RBMS3: variants seen among roughly 807,000 people sequenced by gnomAD.
The protein encoded by RBMS3 is RNA binding motif single stranded interacting protein 3, also known as RNA-binding motif, single-stranded-interacting protein 3.
RBMS3 carries 27 observed loss-of-function variants against 66.8 expected under a neutral mutation model. The observed-to-expected ratio is 0.40, with a 90% CI of 0.30 to 0.56. The LOEUF is 0.56. Among genes scored for constraint, RBMS3 ranks in the 20% least tolerant of loss-of-function variants. RBMS3 has a pLI of 0.40. For synonymous variants in RBMS3, 188 were observed against 183.0 expected (o/e 1.03, Z -0.22); for missense variants, 513 against 549.5 (o/e 0.93, Z 0.66).
At chr3:29,486,845 T>G (rs1407430791) in intron 2 of RBMS3, among the ~76,000 whole-genome samples, 1 of 152,170 alleles carries the variant, frequency 6.6e-6, no homozygotes, top group African/African-American at 2.4e-5. Flanking sequence ...AGGAACACCT[T>G]TATAAACCAA....
At chr3:29,522,545 C>A (rs1473272702) in intron 3 of RBMS3, among the ~76,000 whole-genome samples, 1 of 152,078 alleles carries the variant, frequency 6.6e-6, no homozygotes, top group East Asian at 1.9e-4. Flanking sequence ...CAGGAAGCTG[C>A]TACCAATCCT....
At chr3:29,530,161 C>T (rs1239986026) in intron 3 of RBMS3, among the ~76,000 whole-genome samples, 2 of 152,158 alleles carry the variant, frequency 1.3e-5, no homozygotes, top group African/African-American at 2.4e-5. Context: ...TATGTATAGC[C>T]GGATCCAGAG....
At chr3:29,992,031 T>C (rs1698910483) in intron 14 of RBMS3, among the ~76,000 whole-genome samples, 1 of 152,178 alleles carries the variant, frequency 6.6e-6, no homozygotes, top group Non-Finnish European at 1.5e-5. Context: ...GGGCTGTTTA[T>C]TGAAACCAAA....
chr3:29,860,963 A>C (rs1363693742), intron 6 of RBMS3, among the ~76,000 whole-genome samples: 1 of 152,122 alleles, frequency 6.6e-6, no homozygotes, highest in East Asian at 1.9e-4. Flanking sequence ...TCCCCGGTTC[A>C]CGCCATTCTC....
At chr3:29,915,279 A>T (rs193195571) in intron 10 of RBMS3, among the ~76,000 whole-genome samples, 48 of 151,942 alleles carry the variant, frequency 3.2e-4, no homozygotes, top group African/African-American at 1.0e-3. Flanking sequence ...GTTCTGGTTG[A>T]TGCTGGTAAT....
chr3:29,875,253 G>T (rs1372254754), intron 7 of RBMS3, among the ~76,000 whole-genome samples: 1 of 152,018 alleles, frequency 6.6e-6, no homozygotes, highest in African/African-American at 2.4e-5. Context: ...ACAACCTCCA[G>T]GTAACATCAA....
rs114522188 is a variant in RBMS3, at chr3:29,939,453, T to C, written c.1050+3257T>C. Among the ~76,000 whole-genome samples the C allele has an allele frequency of 2.7e-3, 412 of 152,060 alleles. 1 individual carries two copies. Among genetic ancestry groups the C allele is most frequent in the African/African-American group, 9.4e-3 (389 of 41,532 alleles). On this transcript the variant is annotated intron_variant, in intron 11 of 14. Transcript: ENST00000383767. ...TGCCTTGTCTGAAGAGGACAGCCACTATTCCATTGGTAGTACAGCTGTTGT... is the reference window on the plus strand; with the variant it reads ...TGCCTTGTCTGAAGAGGACAGCCACCATTCCATTGGTAGTACAGCTGTTGT...
chr3:29,359,523 G>T (rs138723378), intron 1 of RBMS3, among the ~76,000 whole-genome samples: 15,362 of 151,866 alleles, frequency 0.1, 892 homozygotes, highest in East Asian at 0.25. Context: ...TTGTTGTGTC[G>T]CTGCCAGGCT....
At chr3:29,600,582 C>T (rs1402061721) in intron 4 of RBMS3, among the ~76,000 whole-genome samples, 1 of 151,976 alleles carries the variant, frequency 6.6e-6, no homozygotes, top group Non-Finnish European at 1.5e-5. Context: ...TTCTTTTAAG[C>T]AACACAAAAC....
At chr3:29,794,695 T>C (rs559232786) in intron 6 of RBMS3, among the ~76,000 whole-genome samples, 1 of 152,188 alleles carries the variant, frequency 6.6e-6, no homozygotes, top group African/African-American at 2.4e-5. Flanking sequence ...AGACTGTAAG[T>C]GAATCATGGA....
intron 1 of RBMS3, among the ~76,000 whole-genome samples, chr3:29,302,603 GTAT>G (rs2033754971): frequency 6.6e-6 from 1 of 151,950 alleles, no homozygotes; most frequent in Admixed American, 6.6e-5. Flanking sequence ...ATTTATCCAG[GTAT>G]ATGTAAATAT....
chr3:29,613,281 G>C lies in RBMS3; in HGVS notation c.399+26076G>C, dbSNP rs185346819. Among the ~76,000 whole-genome samples, 177 of 151,168 alleles carry C rather than the reference G, an allele frequency of 1.2e-3. 1 individual carries two copies. The highest frequency in any genetic ancestry group is 3.4e-3 in the Admixed American group (51 of 15,078). On this transcript the variant is annotated intron_variant, in intron 4 of 14. Coordinates refer to ENST00000383767, the MANE Select transcript of RBMS3 (RefSeq NM_001003793.3). The stretch of plus-strand genomic sequence containing the variant: ...CTCCATACTATTTTCCATAATGGCT[G>C]TCCTAATTGACATTCTCCCTAACCA...
chr3:29,723,509 T>C (rs2053732475), intron 4 of RBMS3, among the ~76,000 whole-genome samples: 1 of 152,234 alleles, frequency 6.6e-6, no homozygotes, highest in South Asian at 2.1e-4. Flanking sequence ...TGACATTTTA[T>C]ATACAGATGC....
At chr3:29,415,114 T>C (rs780979969) in intron 1 of RBMS3, among the ~76,000 whole-genome samples, 11 of 152,200 alleles carry the variant, frequency 7.2e-5, no homozygotes, top group Non-Finnish European at 1.3e-4. Context: ...GCACATTTTT[T>C]AAAATATGAA....
intron 4 of RBMS3, among the ~76,000 whole-genome samples, chr3:29,718,530 T>C (rs76122426): frequency 0.016 from 2,389 of 152,108 alleles, 53 homozygotes; most frequent in African/African-American, 0.053. Context: ...TGAGGAACCA[T>C]GTAGAAAGCA....
At chr3:29,670,143 A>C (rs184011276) in intron 4 of RBMS3, among the ~76,000 whole-genome samples, 1 of 152,176 alleles carries the variant, frequency 6.6e-6, no homozygotes, top group Admixed American at 6.5e-5. Context: ...TCCTACCTAC[A>C]TAAAAGGCTA....
At chr3:29,303,481 A>G (rs766846503) in intron 1 of RBMS3, among the ~76,000 whole-genome samples, 1 of 152,016 alleles carries the variant, frequency 6.6e-6, no homozygotes, top group Non-Finnish European at 1.5e-5. Flanking sequence ...AGAGTCACAT[A>G]TCTGCATTAT....
At chr3:29,314,531 G>C (rs1431276269) in intron 1 of RBMS3, among the ~76,000 whole-genome samples, 3 of 151,604 alleles carry the variant, frequency 2.0e-5, no homozygotes, top group Admixed American at 6.6e-5. Flanking sequence ...GTTATCTATG[G>C]GAGGGATAAA....
At chr3:29,997,483 C>T (rs1413384016) in intron 14 of RBMS3, among the ~76,000 whole-genome samples, 19 of 147,374 alleles carry the variant, frequency 1.3e-4, no homozygotes, top group Non-Finnish European at 2.4e-4. Context: ...AATTTGAGAC[C>T]GATATCCTTG....
Sources: allele counts gnomAD v4.1 joint callset (sites outside exome capture counted in the v4.1 genomes callset), GRCh38; gene constraint gnomAD v4.1.1; transcripts MANE v1.5; gene names NCBI Gene and HGNC (gene_info 2026-07-23, HGNC 2026-07-21).